ZNF254: variants seen among roughly 807,000 people sequenced by gnomAD.
The protein encoded by ZNF254 is CTD-2017D11.1.
In ZNF254, 10 loss-of-function variants were observed where a neutral mutation model predicts 12.4. The ratio of observed to expected loss-of-function variants is 0.80; its 90% CI spans 0.50 to 1.36. The LOEUF (loss-of-function observed/expected upper bound fraction) is 1.36. Ranked by LOEUF, ZNF254 falls within the 40% of genes most tolerant of loss-of-function variation. The probability of loss-of-function intolerance (pLI) is 0.00; values close to 1 mark genes in which losing one functional copy is unlikely to be tolerated. For synonymous variants in ZNF254, 305 were observed against 253.4 expected (o/e 1.20, Z -1.93); for missense variants, 996 against 763.9 (o/e 1.30, Z -3.58).
intron 1 of ZNF254, among the ~76,000 whole-genome samples, chr19:24,043,375 T>TCTCA (rs1970251538): frequency 6.6e-6 from 1 of 152,090 alleles, no homozygotes; most frequent in South Asian, 2.1e-4. Flanking sequence ...AATTCTCCTG[T>TCTCA]CTCAGCCTCC....
At position 24,126,664 on chromosome 19, in the gene ZNF254, T is replaced by C. The variant is rs776308910; in HGVS notation, c.664T>C (p.Ser222Pro). 6.2e-7 allele frequency: 1 copy of C among 1,612,766 alleles called. No individual in the cohort carries two copies. The highest frequency in any genetic ancestry group is 2.2e-5 in the East Asian group (1 of 44,806). Residue 222 changes from serine (S) to proline (P), a missense_variant, in exon 4 of 4, where the codon TCC (serine) becomes CCC (proline). Coordinates refer to ENST00000357002, the MANE Select transcript of ZNF254 (RefSeq NM_203282.4). ...AGAATGTGGAAAAACCTTTAATTGGTCCTCAACCCTTACTAATCATAGGAA... is the reference window on the plus strand; with the variant it reads ...AGAATGTGGAAAAACCTTTAATTGGCCCTCAACCCTTACTAATCATAGGAA... The part of the protein sequence containing the change: ...CKECGKTFNW[S>P]STLTNHRKIY...
At chr19:24,057,191 G>A (rs912495620) in intron 2 of ZNF254, among the ~76,000 whole-genome samples, 1 of 152,202 alleles carries the variant, frequency 6.6e-6, no homozygotes, top group Non-Finnish European at 1.5e-5. Flanking sequence ...TGTGATTTAT[G>A]TATGCACACT....
intron 2 of ZNF254, among the ~76,000 whole-genome samples, chr19:24,071,596 C>T (rs1277686834): frequency 6.6e-6 from 1 of 152,198 alleles, no homozygotes; most frequent in African/African-American, 2.4e-5. Context: ...AGGTAGACTG[C>T]TGCATGGACC....
At chr19:24,107,170 T>C (rs2145820715) in intron 3 of ZNF254, 4 of 611,376 alleles carry the variant, frequency 6.5e-6, no homozygotes, top group South Asian at 5.8e-5. Context: ...TTCCTCAAGA[T>C]TGCTTTGACT....
At chr19:24,110,331 C>G (rs1973590380) in intron 3 of ZNF254, among the ~76,000 whole-genome samples, 1 of 151,822 alleles carries the variant, frequency 6.6e-6, no homozygotes, top group East Asian at 1.9e-4. Context: ...GAGGCCAGGA[C>G]AGGAGGATTG....
At chr19:24,084,289 G>A, upstream of ZNF254, among the ~76,000 whole-genome samples, 1 of 151,110 alleles carries the variant, frequency 6.6e-6, no homozygotes, top group East Asian at 1.9e-4. Flanking sequence ...TATTCTAAGT[G>A]AAGTAACTAA....
intron 2 of ZNF254, among the ~76,000 whole-genome samples, chr19:24,076,929 C>A (rs1971679940): frequency 6.6e-6 from 1 of 152,088 alleles, no homozygotes; most frequent in South Asian, 2.1e-4. Context: ...AATAAGATAG[C>A]TACACAGATA....
upstream of ZNF254, among the ~76,000 whole-genome samples, chr19:24,082,443 G>A (rs1294624147): frequency 5.0e-5 from 6 of 120,908 alleles, no homozygotes; most frequent in African/African-American, 9.7e-5. Context: ...TCAGGAGATC[G>A]AGACCGTCCT....
At chr19:24,082,661 A>AC (rs576778037), upstream of ZNF254, among the ~76,000 whole-genome samples, 169 of 144,972 alleles carry the variant, frequency 1.2e-3, no homozygotes, top group African/African-American at 3.9e-3. Flanking sequence ...AAAAAACAAA[A>AC]AAAAAAAACC....
chr19:24,039,674 A>G (rs1021601482), intron 1 of ZNF254, among the ~76,000 whole-genome samples: 1 of 152,238 alleles, frequency 6.6e-6, no homozygotes, highest in Non-Finnish European at 1.5e-5. Flanking sequence ...TTAGAAAAAC[A>G]GGTGAAACAG....
At chr19:24,107,380 G>T in intron 3 of ZNF254, 1 of 415,576 alleles carries the variant, frequency 2.4e-6, no homozygotes, top group Non-Finnish European at 4.2e-6. Context: ...TTTTTTCATT[G>T]ATATATCTTT....
chr19:24,033,700 G>A (rs899387201), intron 1 of ZNF254: 7 of 286,060 alleles, frequency 2.4e-5, no homozygotes, highest in African/African-American at 1.4e-4. Flanking sequence ...CACCGCTCCC[G>A]GGTTTCCGAC....
chr19:24,106,637 C>A lies in ZNF254; in HGVS notation c.247C>A (p.Pro83Thr). The A allele has an allele frequency of 6.3e-7, 1 of 1,580,738 alleles. No individual in the cohort carries two copies. Among genetic ancestry groups the A allele is most frequent in the South Asian group, 1.1e-5 (1 of 90,572 alleles). ...GAAGCGACATGAGATGGTGGATGAA[C>A]CCCCAGGTAGGTGAGAGTGAATACA... The part of the protein sequence containing the change: ...NMKRHEMVDE[P>T]PGMCPHFAQD... The change falls in exon 3 of 4, where the codon CCC becomes ACC. Residue 83 changes from proline (P) to threonine (T), a missense_variant. Transcript: ENST00000357002.
chr19:24,128,140 A>C lies in ZNF254; in HGVS notation c.*160A>C. ...CTGAAAAATCCTAGAAATGTGAAGA[A>C]TGTGAAAAAGCCTTTAAATGATTGT... On this transcript the variant is annotated 3_prime_UTR_variant, in exon 4 of 4. Transcript: ENST00000357002. 1.4e-6 allele frequency: 1 copy of C among 723,458 alleles called. No individual in the cohort carries two copies. Among genetic ancestry groups the C allele is most frequent in the Non-Finnish European group, 2.0e-6 (1 of 493,976 alleles). 44.8% of individuals were successfully genotyped at this position (723,458 alleles called of 1,614,324 possible). A position where few individuals can be genotyped will look rare whatever the true frequency, so the allele number is the denominator to read the frequency against.
chr19:24,115,272 A>G (rs1441895151), intron 3 of ZNF254, among the ~76,000 whole-genome samples: 2 of 152,084 alleles, frequency 1.3e-5, no homozygotes, highest in Non-Finnish European at 2.9e-5. Flanking sequence ...CTTGGAACCA[A>G]CCCAAATGTC....
At position 24,127,059 on chromosome 19, in the gene ZNF254, A is replaced by T; in HGVS notation, c.1059A>T (p.Glu353Asp). 6.2e-7 allele frequency: 1 copy of T among 1,613,830 alleles called. No homozygotes were observed. The highest frequency in any genetic ancestry group is 8.5e-7 in the Non-Finnish European group (1 of 1,179,870). ...MHTGEKPYKCEECGKAFSQSS... is the reference protein window; with the variant it reads ...MHTGEKPYKCDECGKAFSQSS... ...CTGGAGAGAAACCCTACAAATGTGA[A>T]GAATGTGGCAAAGCTTTTAGCCAGT... The change falls in exon 4 of 4, where the codon GAA becomes GAT. Residue 353 changes from glutamate to aspartate, a missense_variant. Coordinates refer to ENST00000357002, the MANE Select transcript of ZNF254 (RefSeq NM_203282.4).
intron 2 of ZNF254, among the ~76,000 whole-genome samples, chr19:24,056,721 C>T (rs1317405200): frequency 2.6e-5 from 4 of 152,170 alleles, no homozygotes; most frequent in African/African-American, 7.2e-5. Flanking sequence ...ATGTGTTTCT[C>T]CTGCCTGAGC....
upstream of ZNF254, among the ~76,000 whole-genome samples, chr19:24,085,342 A>G (rs1385921606): frequency 2.1e-5 from 3 of 141,826 alleles, no homozygotes; most frequent in Non-Finnish European, 4.6e-5. Context: ...TTTTATCTAC[A>G]AATATTGATA....
rs1972075582 is a variant in ZNF254 at position 24,087,216 on chromosome 19, C to G, written c.-92C>G. 8.9e-6 allele frequency: 14 copies of G among 1,569,550 alleles called. No homozygotes were observed. The East Asian group carries it at 3.2e-4, about 35-fold the overall frequency. On this transcript the variant is annotated 5_prime_UTR_variant, in exon 1 of 4. Coordinates refer to ENST00000357002, the MANE Select transcript of ZNF254 (RefSeq NM_203282.4). Reference sequence around the variant, plus strand: ...TTGTCTCTCGCTGTCGCCGGAGTCCCAGGTCTGTCTTCACTGCTCTGTGTC... The same window carrying G: ...TTGTCTCTCGCTGTCGCCGGAGTCCGAGGTCTGTCTTCACTGCTCTGTGTC...
Sources: gnomAD v4.1 joint callset for allele counts (sites outside exome capture counted in the v4.1 genomes callset) on GRCh38, gnomAD v4.1.1 for gene constraint, MANE v1.5 for transcripts, NCBI Gene and HGNC (gene_info 2026-07-23, HGNC 2026-07-21) for gene names.